The following CDK14 variants were observed in gnomAD, a reference collection of about 807,000 sequenced individuals.
CDK14 encodes cyclin dependent kinase 14, also known as cyclin-dependent kinase 14.
A neutral mutation model predicts 60.7 loss-of-function variants in CDK14; 34 were observed. The ratio of observed to expected loss-of-function variants is 0.56; its 90% CI spans 0.43 to 0.75. CDK14 has a LOEUF of 0.75. Ranked by LOEUF, CDK14 falls within the 30% of genes least tolerant of loss-of-function variation. CDK14 has a pLI of 0.00. For missense variants in CDK14, 482 were observed against 564.1 expected (o/e 0.85, Z 1.47); for synonymous variants, 197 against 203.7 (o/e 0.97, Z 0.28).
chr7:90,959,748 C>T (rs1009348369), intron 9 of CDK14, among the ~76,000 whole-genome samples: 2 of 152,128 alleles, frequency 1.3e-5, no homozygotes, highest in African/African-American at 2.4e-5. Flanking sequence ...TCAGAGCTGG[C>T]CGTGTTACGA....
intron 11 of CDK14, among the ~76,000 whole-genome samples, chr7:91,059,428 A>G (rs960970535): frequency 6.6e-6 from 1 of 151,758 alleles, no homozygotes; most frequent in African/African-American, 2.4e-5. Context: ...GATCTTAGTT[A>G]TTTCTTGCCT....
intron 8 of CDK14, among the ~76,000 whole-genome samples, chr7:90,927,331 T>C (rs924308238): frequency 6.6e-5 from 10 of 152,082 alleles, no homozygotes; most frequent in Non-Finnish European, 1.5e-4. Context: ...TATACTCTTA[T>C]CACTAAGATT....
intron 8 of CDK14, among the ~76,000 whole-genome samples, chr7:90,952,145 G>A (rs1794281954): frequency 6.6e-6 from 1 of 152,154 alleles, no homozygotes; most frequent in Admixed American, 6.6e-5. Flanking sequence ...AAGAAAGGGA[G>A]TGGTCAGCAG....
intron 9 of CDK14, among the ~76,000 whole-genome samples, chr7:90,974,027 C>T (rs911902732): frequency 6.6e-6 from 1 of 152,120 alleles, no homozygotes; most frequent in African/African-American, 2.4e-5. Context: ...CCTCGTAAGA[C>T]AGACACTCCC....
At chr7:91,155,022 T>C (rs1351830983) in intron 14 of CDK14, among the ~76,000 whole-genome samples, 2 of 152,110 alleles carry the variant, frequency 1.3e-5, no homozygotes, top group Non-Finnish European at 2.9e-5. Context: ...CTAGTGACTA[T>C]AGATTTCAGG....
At chr7:90,902,791 G>A (rs1792557538) in intron 7 of CDK14, among the ~76,000 whole-genome samples, 1 of 152,014 alleles carries the variant, frequency 6.6e-6, no homozygotes, top group Non-Finnish European at 1.5e-5. Context: ...AAGGAAACAG[G>A]AGCAAAGATA....
At chr7:90,706,731 A>G (rs375392477) in intron 2 of CDK14, among the ~76,000 whole-genome samples, 47 of 152,258 alleles carry the variant, frequency 3.1e-4, no homozygotes, top group African/African-American at 1.0e-3. Context: ...AACATTCCTG[A>G]GAAACCAGCT....
At chr7:91,174,495 G>A (rs1456748130) in intron 14 of CDK14, among the ~76,000 whole-genome samples, 6 of 152,000 alleles carry the variant, frequency 3.9e-5, no homozygotes, top group East Asian at 1.9e-4. Context: ...GGCTTCAGAC[G>A]GTCAAATTAC....
At chr7:90,987,580 A>C (rs1388953852) in intron 10 of CDK14, among the ~76,000 whole-genome samples, 1 of 152,128 alleles carries the variant, frequency 6.6e-6, no homozygotes, top group African/African-American at 2.4e-5. Context: ...AAATGTTATC[A>C]ACTTAAATAT....
At chr7:91,028,632 A>G (rs140414263) in intron 10 of CDK14, among the ~76,000 whole-genome samples, 223 of 152,316 alleles carry the variant, frequency 1.5e-3, no homozygotes, top group Non-Finnish European at 1.1e-3. Flanking sequence ...ACTGGGATAA[A>G]GTAGTATATA....
chr7:90,665,725 A>G (rs978045419), intron 2 of CDK14, among the ~76,000 whole-genome samples: 1 of 152,242 alleles, frequency 6.6e-6, no homozygotes, highest in African/African-American at 2.4e-5. Context: ...AGAACTACAC[A>G]TTTAAAAATT....
chr7:90,733,910 T>C (rs924315330), intron 3 of CDK14, among the ~76,000 whole-genome samples: 1 of 152,206 alleles, frequency 6.6e-6, no homozygotes, highest in Non-Finnish European at 1.5e-5. Context: ...GCGTTGATGG[T>C]CTTTACAATT....
intron 2 of CDK14, among the ~76,000 whole-genome samples, chr7:90,618,416 C>CT (rs1799696849): frequency 6.6e-6 from 1 of 152,000 alleles, no homozygotes; most frequent in African/African-American, 2.4e-5. Flanking sequence ...GCATTTTCTT[C>CT]TTTCCTTTTT....
intron 14 of CDK14, 111 bp downstream of exon 14, chr7:91,118,319 T>G: frequency 3.5e-6 from 2 of 573,308 alleles, no homozygotes; most frequent in Non-Finnish European, 6.2e-6. Flanking sequence ...GAGTCTCTTG[T>G]GTGCATTATG....
At chr7:90,762,255 G>A (rs1161150553) in intron 4 of CDK14, among the ~76,000 whole-genome samples, 3 of 152,032 alleles carry the variant, frequency 2.0e-5, no homozygotes, top group Non-Finnish European at 1.5e-5. Context: ...AAATGAAGGA[G>A]CTAATTTTAT....
At chr7:90,850,395 A>G (rs1790610338) in intron 5 of CDK14, among the ~76,000 whole-genome samples, 1 of 152,188 alleles carries the variant, frequency 6.6e-6, no homozygotes, top group African/African-American at 2.4e-5. Flanking sequence ...AGCAGGAGTA[A>G]GTGTAAATAA....
rs761689225 is a variant in CDK14 at position 90,984,145 on chromosome 7, T to A, written c.948-3T>A. ...TTGTAACGATTCTTTCTTCTCTCTC[T>A]AGGGGAGTAGGTTGCATCTTTGTTG... On this transcript the variant is annotated splice_polypyrimidine_tract_variant and splice_region_variant and intron_variant, in intron 9 of 14. Coordinates refer to ENST00000380050, the MANE Select transcript of CDK14 (RefSeq NM_001287135.2). 6.3e-7 allele frequency: 1 copy of A among 1,588,930 alleles called. No homozygotes were observed. Among genetic ancestry groups the A allele is most frequent in the Non-Finnish European group, 8.6e-7 (1 of 1,157,102 alleles).
At chr7:90,891,082 T>G (rs953851373) in intron 6 of CDK14, among the ~76,000 whole-genome samples, 1 of 152,204 alleles carries the variant, frequency 6.6e-6, no homozygotes, top group South Asian at 2.1e-4. Context: ...TAATAATTAC[T>G]GTCATTGCCA....
At chr7:91,087,696 C>T (rs746955265) in intron 12 of CDK14, among the ~76,000 whole-genome samples, 5 of 152,080 alleles carry the variant, frequency 3.3e-5, no homozygotes, top group South Asian at 4.1e-4. Context: ...CATTCAGCTC[C>T]GAATAAGCAA....
Sources: gnomAD v4.1 joint callset for allele counts (sites outside exome capture counted in the v4.1 genomes callset) on GRCh38, gnomAD v4.1.1 for gene constraint, MANE v1.5 for transcripts, NCBI Gene and HGNC (gene_info 2026-07-23, HGNC 2026-07-21) for gene names.